Variants in THOC5 observed in about 807,000 individuals in gnomAD.
The protein encoded by THOC5 is Fms-interacting protein.
A neutral mutation model predicts 92.9 loss-of-function variants in THOC5; 43 were observed. That is an observed-to-expected ratio of 0.46 (90% CI 0.36 to 0.60). The LOEUF is 0.60. Among genes scored for constraint, THOC5 ranks in the 20% least tolerant of loss-of-function variants. The pLI, the probability that THOC5 is intolerant of heterozygous loss-of-function variation, is 0.00. For synonymous variants in THOC5, 296 were observed against 320.1 expected (o/e 0.92, Z 0.80); for missense variants, 659 against 849.4 (o/e 0.78, Z 2.79).
intron 18 of THOC5, chr22:29,511,581 A>C: frequency 2.1e-6 from 1 of 477,280 alleles, no homozygotes; most frequent in Non-Finnish European, 3.7e-6. Context: ...CTAAGTCAGA[A>C]GATGTTGGTT....
intron 6 of THOC5, 39 bp downstream of exon 6, chr22:29,539,291 C>A: frequency 6.2e-7 from 1 of 1,602,374 alleles, no homozygotes; most frequent in Non-Finnish European, 8.5e-7. Flanking sequence ...AAAGCACTGA[C>A]ACTTTGTGGT....
At chr22:29,552,565 G>C (rs984748666) in intron 1 of THOC5, among the ~76,000 whole-genome samples, 4 of 150,232 alleles carry the variant, frequency 2.7e-5, no homozygotes, top group South Asian at 2.1e-4. Context: ...CGCCCCGTCC[G>C]GGGGGGAGGT....
chr22:29,534,513 A>G (rs2146517095), intron 7 of THOC5: 1 of 151,648 alleles, frequency 6.6e-6, no homozygotes, highest in East Asian at 1.9e-4. Context: ...GTTTTGTTTC[A>G]GAGATTTTAT....
At chr22:29,518,931 G>T in intron 15 of THOC5, 75 bp downstream of exon 15, 1 of 984,230 alleles carries the variant, frequency 1.0e-6, no homozygotes, top group South Asian at 1.6e-5. Flanking sequence ...TTCAAGTTTT[G>T]AGTGAAAGGC....
At chr22:29,519,824 G>A (rs539103886) in intron 14 of THOC5, among the ~76,000 whole-genome samples, 184 bp downstream of exon 14, 1 of 151,928 alleles carries the variant, frequency 6.6e-6, no homozygotes, top group African/African-American at 2.4e-5. Context: ...AGTAGAGATG[G>A]GGTTTCATCA....
chr22:29,541,893 A>AAAATAT (rs2063903112), intron 5 of THOC5, among the ~76,000 whole-genome samples: 1 of 74,168 alleles, frequency 1.3e-5, no homozygotes, highest in African/African-American at 6.9e-5. Context: ...AAAAAAAAAA[A>AAAATAT]ATATATATAT....
intron 13 of THOC5, 69 bp downstream of exon 13, chr22:29,520,929 G>T: frequency 1.6e-6 from 2 of 1,232,308 alleles, no homozygotes; most frequent in Non-Finnish European, 2.4e-6. Context: ...CAGGTCTCCA[G>T]CATTTAGCTT....
rs896809728 is a variant in THOC5, at chr22:29,507,719, A to C, written c.*738T>G. 1.3e-5 allele frequency: 2 copies of C among 152,268 alleles called. No homozygotes were observed. Among genetic ancestry groups the C allele is most frequent in the Admixed American group, 1.3e-4 (2 of 15,288 alleles). 9.4% of individuals were successfully genotyped at this position (152,268 alleles called of 1,614,324 possible). ...CTAGTTTACTGTATTGTAAGAATAC[A>C]GTGTATAAGATACAAAATATATACT... On this transcript the variant is annotated 3_prime_UTR_variant, in exon 20 of 20. Transcript: ENST00000490103.
intron 7 of THOC5, 193 bp downstream of exon 7, chr22:29,536,431 A>AT (rs2063761448): frequency 3.5e-6 from 2 of 575,860 alleles, no homozygotes; most frequent in African/African-American, 3.7e-5. Context: ...ATGTGTGTAT[A>AT]TATTCCTGAG....
At chr22:29,521,198 G>T in intron 12 of THOC5, 99 bp from the exon 13 acceptor site, 1 of 835,010 alleles carries the variant, frequency 1.2e-6, no homozygotes, top group Non-Finnish European at 2.0e-6. Flanking sequence ...TCTCACTGAT[G>T]ACCAATGCCA....
At chr22:29,510,107 C>T (rs2063196247) in intron 19 of THOC5, among the ~76,000 whole-genome samples, 3 of 152,108 alleles carry the variant, frequency 2.0e-5, no homozygotes, top group African/African-American at 7.2e-5. Context: ...GAGTTAGAGG[C>T]TGAAAGGGAA....
chr22:29,511,109 A>G lies in THOC5; in HGVS notation c.1985T>C (p.Phe662Ser), dbSNP rs1401556622. ...FPQEKMCLRL[F>S]RGPSRMKPFK... Reference sequence around the variant, plus strand: ...AGAGCCCCAACCCTCTCCTCACCTGAAGAGCCGCAGACACATCTTCTCCTG... The same window carrying G: ...AGAGCCCCAACCCTCTCCTCACCTGGAGAGCCGCAGACACATCTTCTCCTG... The change falls in exon 19 of 20, where the codon TTC (phenylalanine) becomes TCC (serine). Residue 662 changes from phenylalanine (F) to serine (S), a missense_variant. Transcript: ENST00000490103. 8 of 1,613,566 alleles carry G rather than the reference A, an allele frequency of 5.0e-6. No homozygotes were observed. The highest frequency in any genetic ancestry group is 5.9e-6 in the Non-Finnish European group (7 of 1,179,604).
intron 12 of THOC5, among the ~76,000 whole-genome samples, chr22:29,523,371 A>T (rs1317291543): frequency 1.3e-5 from 2 of 152,194 alleles, no homozygotes; most frequent in East Asian, 3.8e-4. Flanking sequence ...CACAAAAATA[A>T]AGAGAGCCTG....
chr22:29,539,725 C>A (rs1203414582), intron 5 of THOC5, among the ~76,000 whole-genome samples: 1 of 152,176 alleles, frequency 6.6e-6, no homozygotes, highest in Non-Finnish European at 1.5e-5. Context: ...GGAAGGGATT[C>A]TTATCAAATT....
chr22:29,529,320 C>A, intron 8 of THOC5, 81 bp from the exon 9 acceptor site: 1 of 1,422,182 alleles, frequency 7.0e-7, no homozygotes, highest in Admixed American at 1.7e-5. Context: ...TCTGGGGCTG[C>A]ATTTCTCCCA....
rs113526769 is a variant in THOC5 at position 29,549,813 on chromosome 22, T to A, written c.-11-655A>T. ...TGCAACTGCACCCTGCAATCCCAGT[T>A]CCCCAAACACTCCATGTCTTTTCCC... is the stretch of plus-strand genomic sequence containing the variant. On this transcript the variant is annotated intron_variant, in intron 1 of 19. Transcript: ENST00000490103. Among the ~76,000 whole-genome samples, 46 of 152,026 alleles carry A rather than the reference T, an allele frequency of 3.0e-4. 1 individual carries two copies. The highest frequency in any genetic ancestry group is 1.0e-3 in the African/African-American group (43 of 41,470).
At chr22:29,515,494 T>A (rs968303105) in intron 17 of THOC5, among the ~76,000 whole-genome samples, 3 of 152,088 alleles carry the variant, frequency 2.0e-5, no homozygotes, top group Non-Finnish European at 4.4e-5. Context: ...ACCTGCAATA[T>A]CTCTGAGGTA....
chr22:29,512,363 T>G (rs1203150152), intron 17 of THOC5, among the ~76,000 whole-genome samples: 1 of 152,240 alleles, frequency 6.6e-6, no homozygotes, highest in African/African-American at 2.4e-5. Context: ...ACATATTTAC[T>G]GTGCCACAAA....
intron 17 of THOC5, among the ~76,000 whole-genome samples, chr22:29,512,878 T>G (rs1031829754): frequency 6.6e-6 from 1 of 152,228 alleles, no homozygotes; most frequent in African/African-American, 2.4e-5. Flanking sequence ...TCATTTATTC[T>G]CTGGTGAAAG....
Sources: gnomAD v4.1 joint callset for allele counts (sites outside exome capture counted in the v4.1 genomes callset) on GRCh38, gnomAD v4.1.1 for gene constraint, MANE v1.5 for transcripts, NCBI Gene and HGNC (gene_info 2026-07-23, HGNC 2026-07-21) for gene names.